The following ARHGAP10 variants were observed in gnomAD, a reference collection of about 807,000 sequenced individuals.
The protein encoded by ARHGAP10 is rho GTPase-activating protein 10.
In ARHGAP10, 87 loss-of-function variants were observed where a neutral mutation model predicts 108.6. The ratio of observed to expected loss-of-function variants is 0.80; its 90% CI spans 0.67 to 0.96. The LOEUF is 0.96. Ranked by LOEUF, ARHGAP10 falls within the 40% of genes least tolerant of loss-of-function variation. ARHGAP10 has a pLI of 0.00. For missense variants in ARHGAP10, 939 were observed against 954.5 expected, an observed-to-expected ratio of 0.98 and a Z score of 0.21; for synonymous variants, 347 against 341.1, an observed-to-expected ratio of 1.02 and a Z score of -0.19.
intron 18 of ARHGAP10, among the ~76,000 whole-genome samples, chr4:147,969,478 T>G (rs1739327285): frequency 6.6e-6 from 1 of 152,122 alleles, no homozygotes; most frequent in Non-Finnish European, 1.5e-5. Flanking sequence ...GAAAAATAAT[T>G]AGACTACAAG....
At chr4:147,928,704 T>C (rs576132834) in intron 13 of ARHGAP10, among the ~76,000 whole-genome samples, 2 of 152,364 alleles carry the variant, frequency 1.3e-5, no homozygotes, top group South Asian at 4.1e-4. Context: ...AAATAAATTT[T>C]GACTCTCTTC....
chr4:147,915,634 A>C (rs990078336), intron 13 of ARHGAP10, among the ~76,000 whole-genome samples: 16 of 152,326 alleles, frequency 1.1e-4, no homozygotes, highest in African/African-American at 3.4e-4. Flanking sequence ...GATGTTGAAT[A>C]GGTCTACACA....
chr4:147,764,620 G>A (rs1729720201), intron 1 of ARHGAP10, among the ~76,000 whole-genome samples: 1 of 152,072 alleles, frequency 6.6e-6, no homozygotes, highest in Admixed American at 6.6e-5. Context: ...TGCAACCTCC[G>A]CCTCTTGGGT....
chr4:147,854,257 C>A (rs1733998303), intron 4 of ARHGAP10, among the ~76,000 whole-genome samples: 1 of 152,180 alleles, frequency 6.6e-6, no homozygotes. Context: ...TGTGTTGCCA[C>A]CATAAAAATC....
intron 3 of ARHGAP10, among the ~76,000 whole-genome samples, chr4:147,830,307 C>T (rs766114966): frequency 1.3e-5 from 2 of 152,092 alleles, no homozygotes; most frequent in African/African-American, 4.8e-5. Context: ...TTTAGATGGT[C>T]GGTCACAGGC....
At chr4:147,818,715 C>T (rs560074315) in intron 1 of ARHGAP10, among the ~76,000 whole-genome samples, 1 of 152,172 alleles carries the variant, frequency 6.6e-6, no homozygotes, top group South Asian at 2.1e-4. Context: ...AAAGAAAATA[C>T]ATTTAATGGA....
intron 1 of ARHGAP10, among the ~76,000 whole-genome samples, chr4:147,802,401 A>G (rs577531165): frequency 6.6e-6 from 1 of 152,368 alleles, no homozygotes; most frequent in African/African-American, 2.4e-5. Context: ...CTAAAGCATA[A>G]TATAGCTGAG....
At chr4:147,941,152 A>G (rs1054534483) in intron 14 of ARHGAP10, among the ~76,000 whole-genome samples, 2 of 152,250 alleles carry the variant, frequency 1.3e-5, no homozygotes, top group Non-Finnish European at 2.9e-5. Flanking sequence ...TATGATGATT[A>G]GAACTGGAAG....
At chr4:147,765,335 T>TGGGGGGGG (rs1463328322) in intron 1 of ARHGAP10, among the ~76,000 whole-genome samples, 2 of 22,688 alleles carry the variant, frequency 8.8e-5, no homozygotes, top group African/African-American at 1.8e-4. Flanking sequence ...TGTGTGTGTG[T>TGGGGGGGG]GTGGGGGGGG....
chr4:147,827,566 A>G (rs1249872153), intron 3 of ARHGAP10, among the ~76,000 whole-genome samples: 1 of 152,176 alleles, frequency 6.6e-6, no homozygotes, highest in Non-Finnish European at 1.5e-5. Flanking sequence ...TAGTAAGCCC[A>G]TACCCCCGAC....
At position 147,857,643 on chromosome 4, in the gene ARHGAP10, C is replaced by T. The variant is rs139990305; in HGVS notation, c.475C>T (p.His159Tyr). 3.0e-3 allele frequency: 4,438 copies of T among 1,480,142 alleles called. 14 individuals carry two copies. Among genetic ancestry groups the T allele is most frequent in the Non-Finnish European group, 3.7e-3 (4,114 of 1,115,638 alleles). The allele number at this position is 1,480,142 out of a possible 1,614,324, so 91.7% of individuals were successfully genotyped here. The change falls in exon 5 of 23, where the codon CAT becomes TAT. Residue 159 changes from histidine to tyrosine, a missense_variant. Physicochemically the swap from His to Tyr is moderately conservative, Grantham distance 83. Transcript: ENST00000336498. ...TTTATCAGCAAAAAAGAAAGACTCA[C>T]ATTTACAAGAGGTATAATTTTTTAT... ...LNLSAKKKDS[H>Y]LQEADIQVEQ...
intron 1 of ARHGAP10, among the ~76,000 whole-genome samples, chr4:147,813,483 CAG>C (rs1481879867): frequency 6.6e-6 from 1 of 152,138 alleles, no homozygotes; most frequent in Non-Finnish European, 1.5e-5. Context: ...TTTAGGAAAT[CAG>C]AAGGAAAAAG....
chr4:148,025,354 T>C (rs1487351269), intron 19 of ARHGAP10, among the ~76,000 whole-genome samples: 1 of 152,112 alleles, frequency 6.6e-6, no homozygotes, highest in African/African-American at 2.4e-5. Flanking sequence ...TCATCCTTGG[T>C]TGCAACTTTG....
At chr4:147,807,848 G>A (rs1343032029) in intron 1 of ARHGAP10, among the ~76,000 whole-genome samples, 2 of 152,218 alleles carry the variant, frequency 1.3e-5, no homozygotes, top group Non-Finnish European at 2.9e-5. Context: ...AGTGTCCTTT[G>A]AACTGGAGCC....
intron 18 of ARHGAP10, among the ~76,000 whole-genome samples, chr4:148,001,326 A>G (rs576467852): frequency 8.0e-4 from 122 of 152,238 alleles, no homozygotes; most frequent in Middle Eastern, 3.4e-3. Context: ...GCCTTGTAGT[A>G]TAGTTTGAAG....
intron 12 of ARHGAP10, among the ~76,000 whole-genome samples, chr4:147,912,024 TGTGTGTGTG>T (rs1736763968): frequency 2.7e-5 from 4 of 150,854 alleles, no homozygotes; most frequent in Admixed American, 1.3e-4. Flanking sequence ...TGTGTGTGTG[TGTGTGTGTG>T]TGTGTGTATA....
rs568988139 is a variant in ARHGAP10, at chr4:147,955,195, C to T, written c.1392-121C>T. 8 of 879,094 alleles carry T rather than the reference C, an allele frequency of 9.1e-6. No homozygotes were observed. In the African/African-American group the frequency reaches 1.0e-4, roughly 11 times the overall value. 54.5% of individuals were successfully genotyped at this position (879,094 alleles called of 1,614,324 possible). ...CTTTTTTGATATGTAAAGGTATTCC[C>T]TAGGGAAGTTTTACACATTAATTAA... On this transcript the variant is annotated intron_variant, in intron 15 of 22. Transcript: ENST00000336498.
intron 3 of ARHGAP10, among the ~76,000 whole-genome samples, chr4:147,831,207 C>T (rs1052615710): frequency 3.3e-5 from 5 of 152,178 alleles, no homozygotes; most frequent in African/African-American, 9.7e-5. Flanking sequence ...ACGTTGGATA[C>T]ACTCTAAATT....
At chr4:147,778,504 G>T (rs1560752371) in intron 1 of ARHGAP10, among the ~76,000 whole-genome samples, 1 of 152,124 alleles carries the variant, frequency 6.6e-6, no homozygotes, top group African/African-American at 2.4e-5. Context: ...AGTCTGTTTT[G>T]TCTTAGGGTC....
Sources: gnomAD v4.1 joint callset for allele counts (sites outside exome capture counted in the v4.1 genomes callset) on GRCh38, gnomAD v4.1.1 for gene constraint, MANE v1.5 for transcripts, NCBI Gene and HGNC (gene_info 2026-07-23, HGNC 2026-07-21) for gene names.